Variants in SPRYD4 observed in about 807,000 individuals in gnomAD.
SPRYD4 encodes SPRY domain containing 4.
SPRYD4 carries 12 observed loss-of-function variants against 16.6 expected under a neutral mutation model. The ratio of observed to expected loss-of-function variants is 0.72; its 90% CI spans 0.46 to 1.17. The LOEUF (loss-of-function observed/expected upper bound fraction) is 1.17. SPRYD4 is among the 50% of genes most tolerant of loss of function. The pLI is 0.00. For missense variants in SPRYD4, 260 were observed against 260.2 expected (o/e 1.00, Z 0.00); for synonymous variants, 98 against 105.4 (o/e 0.93, Z 0.43).
chr12:56,468,989 C>T (rs1869112314), intron 1 of SPRYD4, 50 bp from the exon 2 acceptor site: 3 of 1,515,304 alleles, frequency 2.0e-6, no homozygotes, highest in East Asian at 2.3e-5. Context: ...TATCACCAGC[C>T]CTAGGGTTCT....
chr12:56,478,813 C>A lies in SPRYD4; in HGVS notation c.*9236C>A. 2 of 428,604 alleles carry A rather than the reference C, an allele frequency of 4.7e-6. No homozygotes were observed. Among genetic ancestry groups the A allele is most frequent in the South Asian group, 5.9e-5 (2 of 34,022 alleles). 26.6% of individuals were successfully genotyped at this position (428,604 alleles called of 1,614,324 possible). On this transcript the variant is annotated 3_prime_UTR_variant, in exon 2 of 2. Coordinates refer to ENST00000338146, the MANE Select transcript of SPRYD4 (RefSeq NM_207344.4). ...TTCGAGACCAGCCTGGCCAATATGG[C>A]AAAACCCCATCTCTACTAAAAATAC...
Position 56,471,650 on chromosome 12 carries a change from G to A in SPRYD4, c.*2073G>A, listed in dbSNP as rs761307380. On this transcript the variant is annotated 3_prime_UTR_variant, in exon 2 of 2. Coordinates refer to ENST00000338146, the MANE Select transcript of SPRYD4 (RefSeq NM_207344.4). ...CAGGGGAATGTTGCCCCACCTGAGA[G>A]GAATAATGATATGATCAGGCAAAGG... 14 of 1,613,910 alleles carry A rather than the reference G, an allele frequency of 8.7e-6. No homozygotes were observed. In the Admixed American group the frequency reaches 2.2e-4, roughly 25 times the overall value.
rs1333032407 is a variant in SPRYD4 at position 56,469,059 on chromosome 12, G to GA, written c.112dup (p.Thr38AsnfsTer12). ...CGCAGGCGTCAGTTTCAAACTGGAA[G>GA]AAAAAACCGCCCACAGCAGCCTGGC... On this transcript the variant is annotated frameshift_variant, in exon 2 of 2. Coordinates refer to ENST00000338146, the MANE Select transcript of SPRYD4 (RefSeq NM_207344.4). LOFTEE classifies it high-confidence loss of function. 1.3e-6 allele frequency: 2 copies of GA among 1,572,594 alleles called. No homozygotes were observed. Among genetic ancestry groups the GA allele is most frequent in the Non-Finnish European group, 8.6e-7 (1 of 1,159,110 alleles).
rs753185022 is a variant in SPRYD4, at chr12:56,477,698, C to T, written c.*8121C>T. ...CTGACAACAATGGCACCAGCATTGA[C>T]CATGGGGTTATGGGGGATTCCTGGG... On this transcript the variant is annotated 3_prime_UTR_variant, in exon 2 of 2. Coordinates refer to ENST00000338146, the MANE Select transcript of SPRYD4 (RefSeq NM_207344.4). 6.2e-7 allele frequency: 1 copy of T among 1,613,524 alleles called. No individual in the cohort carries two copies. Among genetic ancestry groups the T allele is most frequent in the Non-Finnish European group, 8.5e-7 (1 of 1,179,784 alleles).
At position 56,471,955 on chromosome 12, in the gene SPRYD4, A is replaced by G; in HGVS notation, c.*2378A>G. On this transcript the variant is annotated 3_prime_UTR_variant, in exon 2 of 2. Transcript: ENST00000338146. Reference sequence around the variant, plus strand: ...GGGAAAAGGCCTCTTCCCATTTTGTACCCTGCAGCACTCAGTCATAGTCTA... The same window carrying G: ...GGGAAAAGGCCTCTTCCCATTTTGTGCCCTGCAGCACTCAGTCATAGTCTA... 7.8e-7 allele frequency: 1 copy of G among 1,279,224 alleles called. No homozygotes were observed. The highest frequency in any genetic ancestry group is 1.1e-6 in the Non-Finnish European group (1 of 884,042). The allele number at this position is 1,279,224 out of a possible 1,614,324, so 79.2% of individuals were successfully genotyped here.
chr12:56,469,725 C>T lies in SPRYD4; in HGVS notation c.*148C>T. The T allele has an allele frequency of 1.3e-6, 1 of 797,524 alleles. No individual in the cohort carries two copies. Among genetic ancestry groups the T allele is most frequent in the Non-Finnish European group, 1.9e-6 (1 of 518,380 alleles). 49.4% of individuals were successfully genotyped at this position (797,524 alleles called of 1,614,324 possible). A position where few individuals can be genotyped will look rare whatever the true frequency, so the allele number is the denominator to read the frequency against. On this transcript the variant is annotated 3_prime_UTR_variant, in exon 2 of 2. Transcript: ENST00000338146. ...GCAATATCATGATCATCTTCCTCATCCCCTACCTTGTGAAAGCTAGGCATA... is the reference window on the plus strand; with the variant it reads ...GCAATATCATGATCATCTTCCTCATTCCCTACCTTGTGAAAGCTAGGCATA...
Position 56,474,817 on chromosome 12 carries a change from TC to T in SPRYD4, c.*5243del. 6.2e-7 allele frequency: 1 copy of T among 1,612,776 alleles called. No individual in the cohort carries two copies. The highest frequency in any genetic ancestry group is 2.2e-5 in the East Asian group (1 of 44,792). Reference sequence around the variant, plus strand: ...CAAGGGCAAGGACAGTCTGTCCTGTTCCCTCGGCCCTGAGCAGTGTTTTCTT... The same window carrying T: ...CAAGGGCAAGGACAGTCTGTCCTGTTCCTCGGCCCTGAGCAGTGTTTTCTT... On this transcript the variant is annotated 3_prime_UTR_variant, in exon 2 of 2. Coordinates refer to ENST00000338146, the MANE Select transcript of SPRYD4 (RefSeq NM_207344.4).
rs1367661802 is a variant in SPRYD4, at chr12:56,473,182, C to T, written c.*3605C>T. On this transcript the variant is annotated 3_prime_UTR_variant, in exon 2 of 2. Transcript: ENST00000338146. ...GGGATTACAGGCGTGAGCCACCGCA[C>T]CTGGCCTTTGAAATATTCTTACAAG... The T allele has an allele frequency of 1.9e-6, 3 of 1,574,630 alleles. No individual in the cohort carries two copies. Among genetic ancestry groups the T allele is most frequent in the Non-Finnish European group, 2.6e-6 (3 of 1,144,780 alleles).
At position 56,478,575 on chromosome 12, in the gene SPRYD4, G is replaced by C. The variant is rs546551551; in HGVS notation, c.*8998G>C. 1 of 340,232 alleles carries C rather than the reference G, an allele frequency of 2.9e-6. No individual in the cohort carries two copies. Among genetic ancestry groups the C allele is most frequent in the Non-Finnish European group, 5.5e-6 (1 of 182,216 alleles). 21.1% of individuals were successfully genotyped at this position (340,232 alleles called of 1,614,324 possible). On this transcript the variant is annotated 3_prime_UTR_variant, in exon 2 of 2. Transcript: ENST00000338146. ...ATAAATCCCTTTGAAGGCTCTATTCGATCTTGATTCCCTCACCTGCTCTAG... is the reference window on the plus strand; with the variant it reads ...ATAAATCCCTTTGAAGGCTCTATTCCATCTTGATTCCCTCACCTGCTCTAG...
rs761969192 is a variant in SPRYD4 at position 56,476,590 on chromosome 12, ATTT to A, written c.*7032_*7034del. 5.6e-5 allele frequency: 7 copies of A among 125,956 alleles called. No homozygotes were observed. Among genetic ancestry groups the A allele is most frequent in the Non-Finnish European group, 8.5e-5 (5 of 59,094 alleles). The allele number at this position is 125,956 out of a possible 1,614,324, so 7.8% of individuals were successfully genotyped here. A position where few individuals can be genotyped will look rare whatever the true frequency, so the allele number is the denominator to read the frequency against. On this transcript the variant is annotated 3_prime_UTR_variant, in exon 2 of 2. Transcript: ENST00000338146. ...GCAACATAGGAGAGACCCTGCCTCAATTTTTTTTTTTTTTTTTTTTTGAGATGG... is the reference window on the plus strand; with the variant it reads ...GCAACATAGGAGAGACCCTGCCTCAATTTTTTTTTTTTTTTTTTGAGATGG...
chr12:56,472,286 C>A lies in SPRYD4; in HGVS notation c.*2709C>A. ...AACTGGTGTCAGACTGGATGAGTTT[C>A]AGAGAAAGTGAAACAGCCTATAGCC... is the stretch of plus-strand genomic sequence containing the variant. On this transcript the variant is annotated 3_prime_UTR_variant, in exon 2 of 2. Transcript: ENST00000338146. 8.3e-7 allele frequency: 1 copy of A among 1,210,244 alleles called. No homozygotes were observed. Among genetic ancestry groups the A allele is most frequent in the African/African-American group, 1.5e-5 (1 of 66,674 alleles). 75.0% of individuals were successfully genotyped at this position (1,210,244 alleles called of 1,614,324 possible).
chr12:56,472,885 C>CTTTTTTT lies in SPRYD4; in HGVS notation c.*3322_*3328dup. On this transcript the variant is annotated 3_prime_UTR_variant, in exon 2 of 2. Transcript: ENST00000338146. Reference sequence around the variant, plus strand: ...ATGGAATGTGCTACTCTGAAATATTCTTTTTTTTTTTTTTTTTTTTGAGAC... The same window carrying CTTTTTTT: ...ATGGAATGTGCTACTCTGAAATATTCTTTTTTTTTTTTTTTTTTTTTTTTTTTGAGAC... 1.0e-5 allele frequency: 4 copies of CTTTTTTT among 399,732 alleles called. No individual in the cohort carries two copies. The highest frequency in any genetic ancestry group is 5.0e-5 in the East Asian group (1 of 20,094). The allele number at this position is 399,732 out of a possible 1,614,324, so 24.8% of individuals were successfully genotyped here. A position where few individuals can be genotyped will look rare whatever the true frequency, so the allele number is the denominator to read the frequency against.
chr12:56,475,341 A>G lies in SPRYD4; in HGVS notation c.*5764A>G. On this transcript the variant is annotated 3_prime_UTR_variant, in exon 2 of 2. Coordinates refer to ENST00000338146, the MANE Select transcript of SPRYD4 (RefSeq NM_207344.4). ...AACACCCCAAACTGTCTAGTCATCT[A>G]GGAAAACTGGTGAAGTTTTTGGCTT... 8.6e-7 allele frequency: 1 copy of G among 1,166,144 alleles called. No homozygotes were observed. The highest frequency in any genetic ancestry group is 1.2e-6 in the Non-Finnish European group (1 of 850,224). The allele number at this position is 1,166,144 out of a possible 1,614,324, so 72.2% of individuals were successfully genotyped here. A position where few individuals can be genotyped will look rare whatever the true frequency, so the allele number is the denominator to read the frequency against.
At position 56,476,071 on chromosome 12, in the gene SPRYD4, G is replaced by T. The variant is rs1869782960; in HGVS notation, c.*6494G>T. ...TCTAGTGGAGTTCTAGTGTTAGTCT[G>T]GTCCTGCTGCTGCAAATGTGTTCAA... On this transcript the variant is annotated 3_prime_UTR_variant, in exon 2 of 2. Coordinates refer to ENST00000338146, the MANE Select transcript of SPRYD4 (RefSeq NM_207344.4). 2 of 1,225,700 alleles carry T rather than the reference G, an allele frequency of 1.6e-6. No individual in the cohort carries two copies. Among genetic ancestry groups the T allele is most frequent in the Non-Finnish European group, 2.4e-6 (2 of 846,486 alleles). 75.9% of individuals were successfully genotyped at this position (1,225,700 alleles called of 1,614,324 possible).
At position 56,473,375 on chromosome 12, in the gene SPRYD4, T is replaced by C; in HGVS notation, c.*3798T>C. ...TTTACTCCTTACACTTAGTAGGAGC[T>C]CAAAATTGCTTTATTATAGTAAAAG... On this transcript the variant is annotated 3_prime_UTR_variant, in exon 2 of 2. Coordinates refer to ENST00000338146, the MANE Select transcript of SPRYD4 (RefSeq NM_207344.4). 6.2e-7 allele frequency: 1 copy of C among 1,604,878 alleles called. No individual in the cohort carries two copies. Among genetic ancestry groups the C allele is most frequent in the Non-Finnish European group, 8.5e-7 (1 of 1,174,678 alleles).
chr12:56,475,296 TA>T lies in SPRYD4; in HGVS notation c.*5720del. ...GAGCAAACACTCAGCATAGTTTTGT[TA>T]TAAAGTAAACCCAAACCAAACACCC... On this transcript the variant is annotated 3_prime_UTR_variant, in exon 2 of 2. Transcript: ENST00000338146. 6.9e-7 allele frequency: 1 copy of T among 1,458,088 alleles called. No homozygotes were observed. Among genetic ancestry groups the T allele is most frequent in the South Asian group, 1.3e-5 (1 of 77,882 alleles). The allele number at this position is 1,458,088 out of a possible 1,614,324, so 90.3% of individuals were successfully genotyped here.
In SPRYD4 at chr12:56,469,311, C is replaced by G; in HGVS notation, c.358C>G (p.Arg120Gly). Reference sequence around the variant, plus strand: ...GGATAGCTGCATTGGTGTTGATGATCGTTCCTGGGTGTTCACCTATGCCCA... The same window carrying G: ...GGATAGCTGCATTGGTGTTGATGATGGTTCCTGGGTGTTCACCTATGCCCA... ...SRDSCIGVDD[R>G]SWVFTYAQRK... Residue 120 changes from arginine (R) to glycine (G), a missense_variant, in exon 2 of 2, where the codon CGT becomes GGT. Physicochemically the swap from Arg to Gly is moderately radical, Grantham distance 125 (BLOSUM62 -2). Transcript: ENST00000338146. The G allele has an allele frequency of 6.2e-7, 1 of 1,614,132 alleles. No homozygotes were observed. The highest frequency in any genetic ancestry group is 8.5e-7 in the Non-Finnish European group (1 of 1,180,014).
Position 56,473,356 on chromosome 12 carries a change from C to T in SPRYD4, c.*3779C>T, listed in dbSNP as rs1436361381. 6.2e-7 allele frequency: 1 copy of T among 1,610,908 alleles called. No individual in the cohort carries two copies. The highest frequency in any genetic ancestry group is 1.3e-5 in the African/African-American group (1 of 74,874). Reference sequence around the variant, plus strand: ...AAGCCAAATATATTGTTTATTTACTCCTTACACTTAGTAGGAGCTCAAAAT... The same window carrying T: ...AAGCCAAATATATTGTTTATTTACTTCTTACACTTAGTAGGAGCTCAAAAT... On this transcript the variant is annotated 3_prime_UTR_variant, in exon 2 of 2. Coordinates refer to ENST00000338146, the MANE Select transcript of SPRYD4 (RefSeq NM_207344.4).
chr12:56,479,667 T>C lies in SPRYD4; in HGVS notation c.*10090T>C. The C allele has an allele frequency of 8.2e-7, 1 of 1,225,884 alleles. No homozygotes were observed. Among genetic ancestry groups the C allele is most frequent in the Non-Finnish European group, 1.1e-6 (1 of 924,998 alleles). The allele number at this position is 1,225,884 out of a possible 1,614,324, so 75.9% of individuals were successfully genotyped here. ...CATGTATAACTTATGTAATAAGTAATAAAATAAAATGAGGAATTGAACTAT... is the reference window on the plus strand; with the variant it reads ...CATGTATAACTTATGTAATAAGTAACAAAATAAAATGAGGAATTGAACTAT... On this transcript the variant is annotated 3_prime_UTR_variant, in exon 2 of 2. Transcript: ENST00000338146.
Sources: allele counts gnomAD v4.1 joint callset, GRCh38; gene constraint gnomAD v4.1.1; transcripts MANE v1.5; gene names NCBI Gene and HGNC (gene_info 2026-07-23, HGNC 2026-07-21).